Variants in DPYD observed in about 807,000 individuals in gnomAD.
DPYD encodes the protein dihydropyrimidine dehydrogenase.
A neutral mutation model predicts 116.2 loss-of-function variants in DPYD; 109 were observed. The ratio of observed to expected loss-of-function variants is 0.94; its 90% CI spans 0.80 to 1.10. The LOEUF (loss-of-function observed/expected upper bound fraction) is 1.10, where lower values mean the gene tolerates loss of function less well. DPYD is among the 50% of genes least tolerant of loss of function. The pLI, the probability that DPYD is intolerant of heterozygous loss-of-function variation, is 0.00. For missense variants in DPYD, 1,302 were observed against 1,254.5 expected, an observed-to-expected ratio of 1.04 and a Z score of -0.57; for synonymous variants, 440 against 432.0, an observed-to-expected ratio of 1.02 and a Z score of -0.23.
chr1:97,773,043 GAACT>G (rs1293486581), intron 3 of DPYD, among the ~76,000 whole-genome samples: 1 of 152,026 alleles, frequency 6.6e-6, no homozygotes, highest in South Asian at 2.1e-4. Flanking sequence ...AATTTGTTTT[GAACT>G]AACTTTTTCA....
At chr1:97,563,331 T>C (rs1363934305) in intron 11 of DPYD, among the ~76,000 whole-genome samples, 1 of 152,222 alleles carries the variant, frequency 6.6e-6, no homozygotes, top group Non-Finnish European at 1.5e-5. Flanking sequence ...TAGGCTGTGG[T>C]CAATAAAGCT....
At chr1:97,513,888 G>A (rs182978024) in intron 13 of DPYD, among the ~76,000 whole-genome samples, 3 of 151,892 alleles carry the variant, frequency 2.0e-5, no homozygotes, top group East Asian at 3.9e-4. Context: ...GCAAAATCAC[G>A]TATGGAAAAT....
chr1:97,266,982 A>G (rs1664277200), intron 18 of DPYD, among the ~76,000 whole-genome samples: 1 of 152,204 alleles, frequency 6.6e-6, no homozygotes, highest in Non-Finnish European at 1.5e-5. Context: ...CAGTGCTGCA[A>G]TAAACATACA....
intron 8 of DPYD, among the ~76,000 whole-genome samples, chr1:97,600,065 A>AAAAAC (rs1655155772): frequency 6.6e-6 from 1 of 151,694 alleles, no homozygotes; most frequent in African/African-American, 2.4e-5. Context: ...AAACAAAAAC[A>AAAAAC]AAAACAAATG....
At chr1:97,746,708 T>A (rs1372148354) in intron 3 of DPYD, among the ~76,000 whole-genome samples, 1 of 151,980 alleles carries the variant, frequency 6.6e-6, no homozygotes, top group Non-Finnish European at 1.5e-5. Flanking sequence ...ACACACATCA[T>A]GAATACAGGT....
At chr1:97,783,622 T>C (rs1342610683) in intron 3 of DPYD, among the ~76,000 whole-genome samples, 1 of 151,972 alleles carries the variant, frequency 6.6e-6, no homozygotes, top group East Asian at 1.9e-4. Context: ...AACTTCTGAC[T>C]TCAGGTGACC....
chr1:97,202,400 G>C (rs1659270059), intron 19 of DPYD, among the ~76,000 whole-genome samples: 1 of 152,066 alleles, frequency 6.6e-6, no homozygotes. Flanking sequence ...TATGTAGCCT[G>C]AAAGTCTATT....
intron 3 of DPYD, chr1:97,797,260 AAGCAGGCATGC>A (rs1325052059): frequency 6.6e-6 from 1 of 152,158 alleles, no homozygotes; most frequent in Non-Finnish European, 1.5e-5. Context: ...CTTCAATGAA[AAGCAGGCATGC>A]AGCTGACAGC....
chr1:97,242,119 CGTGT>C (rs60099974), intron 18 of DPYD, among the ~76,000 whole-genome samples: 11 of 17,820 alleles, frequency 6.2e-4, no homozygotes, highest in South Asian at 2.7e-3. Flanking sequence ...CGTGTGTGTG[CGTGT>C]GTATATATAT....
intron 8 of DPYD, among the ~76,000 whole-genome samples, chr1:97,678,386 C>T (rs1001973393): frequency 4.6e-5 from 7 of 152,048 alleles, no homozygotes; most frequent in African/African-American, 1.4e-4. Context: ...TTGGGGACCC[C>T]GATTTAACAT....
chr1:97,320,629 A>G (rs1399998185), intron 16 of DPYD, among the ~76,000 whole-genome samples: 1 of 84,632 alleles, frequency 1.2e-5, no homozygotes, highest in Non-Finnish European at 2.4e-5. Flanking sequence ...GGGTAGGAAG[A>G]GTCAATATCG....
At chr1:97,833,608 T>C (rs1029676521) in intron 2 of DPYD, among the ~76,000 whole-genome samples, 1 of 152,140 alleles carries the variant, frequency 6.6e-6, no homozygotes, top group Non-Finnish European at 1.5e-5. Context: ...TCGTGAAATA[T>C]ACTTACCTTC....
At chr1:97,079,869 CCCTCCCTCCCTT>C (rs780555510) in intron 22 of DPYD, among the ~76,000 whole-genome samples, 4 of 151,922 alleles carry the variant, frequency 2.6e-5, no homozygotes, top group Non-Finnish European at 5.9e-5. Flanking sequence ...TTCCTCTATT[CCCTCCCTCCCTT>C]CCTCCCTCCC....
chr1:97,238,809 C>T (rs1043236353), intron 18 of DPYD, among the ~76,000 whole-genome samples: 4 of 152,166 alleles, frequency 2.6e-5, no homozygotes, highest in Non-Finnish European at 5.9e-5. Flanking sequence ...ATCCTATACA[C>T]TTAATTGAAC....
intron 16 of DPYD, among the ~76,000 whole-genome samples, chr1:97,331,895 A>C (rs1413543353): frequency 6.6e-6 from 1 of 152,218 alleles, no homozygotes; most frequent in Non-Finnish European, 1.5e-5. Flanking sequence ...AAAAATTCTG[A>C]GAAATACAGA....
At chr1:97,197,740 T>G (rs748269105) in intron 19 of DPYD, among the ~76,000 whole-genome samples, 2 of 152,220 alleles carry the variant, frequency 1.3e-5, no homozygotes, top group Non-Finnish European at 2.9e-5. Flanking sequence ...CACCCACTTC[T>G]AGACTCTTTA....
intron 18 of DPYD, among the ~76,000 whole-genome samples, chr1:97,284,095 G>T (rs1353078565): frequency 6.6e-6 from 1 of 151,880 alleles, no homozygotes; most frequent in Non-Finnish European, 1.5e-5. Context: ...ACATTTCCTA[G>T]GTATATGAAC....
intron 3 of DPYD, among the ~76,000 whole-genome samples, chr1:97,771,804 C>G (rs892387110): frequency 1.3e-5 from 2 of 152,038 alleles, no homozygotes; most frequent in Admixed American, 6.6e-5. Context: ...AGGAAAAAAG[C>G]CATTGCTGTT....
intron 3 of DPYD, among the ~76,000 whole-genome samples, chr1:97,823,409 G>A (rs1034798388): frequency 2.0e-5 from 3 of 151,974 alleles, no homozygotes; most frequent in Admixed American, 1.3e-4. Flanking sequence ...ATTTTCTCAC[G>A]TTATTTTAAA....
Sources: allele counts gnomAD v4.1 joint callset (sites outside exome capture counted in the v4.1 genomes callset), GRCh38; gene constraint gnomAD v4.1.1; transcripts MANE v1.5; gene names NCBI Gene and HGNC (gene_info 2026-07-23, HGNC 2026-07-21).